Variants in PSMB7 observed in about 807,000 individuals in gnomAD.
PSMB7 encodes the protein proteasome subunit beta type-7.
PSMB7 carries 5 observed loss-of-function variants against 28.1 expected under a neutral mutation model. That is an observed-to-expected ratio of 0.18 (90% confidence interval 0.09 to 0.37). PSMB7 has a LOEUF of 0.37. Ranked by LOEUF, PSMB7 falls within the 10% of genes least tolerant of loss-of-function variation. The probability of loss-of-function intolerance (pLI) is 1.00; values close to 1 mark genes in which losing one functional copy is unlikely to be tolerated. For missense variants in PSMB7, 275 were observed against 346.2 expected (o/e 0.79, Z 1.63); for synonymous variants, 122 against 123.7 (o/e 0.99, Z 0.09).
At chr9:124,407,326 A>T (rs1051860615) in intron 4 of PSMB7, among the ~76,000 whole-genome samples, 3 of 152,184 alleles carry the variant, frequency 2.0e-5, no homozygotes, top group Non-Finnish European at 4.4e-5. Flanking sequence ...ATTTGTAAGT[A>T]AAAACTTCAA....
chr9:124,415,036 GT>G (rs1831072515), intron 1 of PSMB7, 101 bp from the exon 2 acceptor site: 2 of 749,158 alleles, frequency 2.7e-6, no homozygotes, highest in South Asian at 3.5e-5. Context: ...GCTGCTACTT[GT>G]TTTCACGCCC....
chr9:124,411,803 T>C (rs573392504), intron 4 of PSMB7, among the ~76,000 whole-genome samples: 2 of 152,356 alleles, frequency 1.3e-5, no homozygotes, highest in African/African-American at 4.8e-5. Flanking sequence ...TAATAGTCCC[T>C]ATCTCAGAGT....
chr9:124,357,026 G>A, intron 6 of PSMB7, 111 bp from the exon 7 acceptor site: 1 of 1,163,020 alleles, frequency 8.6e-7, no homozygotes. Flanking sequence ...GACAGGTGTT[G>A]TTTTTAATGC....
chr9:124,397,204 C>G (rs1830851460), intron 5 of PSMB7, among the ~76,000 whole-genome samples: 1 of 152,198 alleles, frequency 6.6e-6, no homozygotes, highest in Non-Finnish European at 1.5e-5. Flanking sequence ...GATGATGGCA[C>G]CCACCTCACA....
intron 6 of PSMB7, among the ~76,000 whole-genome samples, chr9:124,374,092 A>C (rs1830586832): frequency 6.6e-6 from 1 of 152,280 alleles, no homozygotes; most frequent in Admixed American, 6.5e-5. Context: ...TATATGCTAC[A>C]ACACGGGTGA....
chr9:124,405,568 ATGGG>A, intron 4 of PSMB7, 136 bp from the exon 5 acceptor site: 3 of 606,872 alleles, frequency 4.9e-6, no homozygotes, highest in South Asian at 2.0e-5. Context: ...TATTGTTTTG[ATGGG>A]AACAAAAAAG....
chr9:124,414,950 G>C lies in PSMB7; in HGVS notation c.63-15C>G. ...AGACGGCATTCCTAAGAGCAAATGAGAGAATCAAGTGTTGAAGGGCAGGAC... is the reference window on the plus strand; with the variant it reads ...AGACGGCATTCCTAAGAGCAAATGACAGAATCAAGTGTTGAAGGGCAGGAC... On this transcript the variant is annotated splice_polypyrimidine_tract_variant and intron_variant, in intron 1 of 7. Transcript: ENST00000259457. 1.3e-6 allele frequency: 2 copies of C among 1,584,706 alleles called. No homozygotes were observed. Among genetic ancestry groups the C allele is most frequent in the Non-Finnish European group, 1.7e-6 (2 of 1,155,798 alleles).
chr9:124,401,428 C>T (rs908253182), intron 5 of PSMB7, among the ~76,000 whole-genome samples: 4 of 152,272 alleles, frequency 2.6e-5, no homozygotes, highest in African/African-American at 9.6e-5. Context: ...GAGGCAGACG[C>T]TGTGTTAACC....
At chr9:124,382,136 C>T (rs1224567116) in intron 6 of PSMB7, among the ~76,000 whole-genome samples, 1 of 143,400 alleles carries the variant, frequency 7.0e-6, no homozygotes, top group East Asian at 2.2e-4. Context: ...TGCAGTGAGC[C>T]GAGATCATGC....
chr9:124,399,428 A>C (rs1317387300), intron 5 of PSMB7, among the ~76,000 whole-genome samples: 1 of 152,152 alleles, frequency 6.6e-6, no homozygotes, highest in Non-Finnish European at 1.5e-5. Context: ...CCAGGAGGGA[A>C]TGGCTTCTGG....
chr9:124,355,934 G>T (rs1830400365), intron 7 of PSMB7, among the ~76,000 whole-genome samples: 1 of 152,208 alleles, frequency 6.6e-6, no homozygotes, highest in Non-Finnish European at 1.5e-5. Flanking sequence ...AGTGGGAGAT[G>T]GAAGCAAGCC....
At chr9:124,369,486 G>T (rs987098942) in intron 6 of PSMB7, among the ~76,000 whole-genome samples, 1 of 152,188 alleles carries the variant, frequency 6.6e-6, no homozygotes, top group African/African-American at 2.4e-5. Context: ...TGCAACACAA[G>T]CACCTCTAAT....
intron 5 of PSMB7, among the ~76,000 whole-genome samples, chr9:124,399,918 C>T (rs1830882454): frequency 6.6e-6 from 1 of 152,202 alleles, no homozygotes; most frequent in Non-Finnish European, 1.5e-5. Context: ...CGAACCTAAT[C>T]CTCTCATTCC....
chr9:124,375,972 G>A (rs1830606287), intron 6 of PSMB7, among the ~76,000 whole-genome samples: 1 of 152,150 alleles, frequency 6.6e-6, no homozygotes, highest in South Asian at 2.1e-4. Context: ...GAGGCATTTG[G>A]ATCAAGATCA....
In PSMB7 at chr9:124,405,553, G is replaced by T; in HGVS notation, c.396-121C>A. ...GTTTTCCTTAAGACTGTTTCATTAA[G>T]GGGTTATTGTTTTGATGGGAACAAA... On this transcript the variant is annotated intron_variant, in intron 4 of 7. Transcript: ENST00000259457. 8 of 640,078 alleles carry T rather than the reference G, an allele frequency of 1.2e-5. No individual in the cohort carries two copies. In the South Asian group the frequency reaches 1.5e-4, roughly 12 times the overall value. 39.6% of individuals were successfully genotyped at this position (640,078 alleles called of 1,614,324 possible). A position where few individuals can be genotyped will look rare whatever the true frequency, so the allele number is the denominator to read the frequency against.
intron 5 of PSMB7, among the ~76,000 whole-genome samples, chr9:124,389,384 T>C (rs1031272069): frequency 5.9e-5 from 9 of 152,302 alleles, no homozygotes; most frequent in South Asian, 2.1e-4. Context: ...CACCCACGGT[T>C]ACTGAGTACC....
At chr9:124,368,429 G>A (rs963066953) in intron 6 of PSMB7, among the ~76,000 whole-genome samples, 1 of 152,090 alleles carries the variant, frequency 6.6e-6, no homozygotes, top group Non-Finnish European at 1.5e-5. Flanking sequence ...GTTACATTTG[G>A]TAAAATTAAA....
intron 6 of PSMB7, among the ~76,000 whole-genome samples, chr9:124,370,284 G>A (rs1393300397): frequency 3.4e-5 from 5 of 145,646 alleles, no homozygotes; most frequent in East Asian, 2.0e-4. Flanking sequence ...TATTTGTTCC[G>A]ACCATAATCA....
intron 4 of PSMB7, 129 bp downstream of exon 4, chr9:124,412,223 C>G (rs1831035088): frequency 2.0e-6 from 2 of 1,003,322 alleles, no homozygotes; most frequent in Non-Finnish European, 2.9e-6. Flanking sequence ...TTTAATATAA[C>G]AACTGATTTC....
Sources: gnomAD v4.1 joint callset for allele counts (sites outside exome capture counted in the v4.1 genomes callset) on GRCh38, gnomAD v4.1.1 for gene constraint, MANE v1.5 for transcripts, NCBI Gene and HGNC (gene_info 2026-07-23, HGNC 2026-07-21) for gene names.